Variants in EXT2 observed in about 807,000 individuals in gnomAD.
EXT2 encodes the protein exostosin-2.
In EXT2, 53 loss-of-function variants were observed where a neutral mutation model predicts 81.6. That is an observed-to-expected ratio of 0.65 (90% CI 0.52 to 0.82). EXT2 has a LOEUF of 0.82. Among genes scored for constraint, EXT2 ranks in the 40% least tolerant of loss-of-function variants. The pLI, the probability that EXT2 is intolerant of heterozygous loss-of-function variation, is 0.00. For missense variants in EXT2, 774 were observed against 910.2 expected (o/e 0.85, Z 1.93); for synonymous variants, 320 against 340.0 (o/e 0.94, Z 0.65).
chr11:44,171,918 TA>T (rs1004506417), intron 8 of EXT2, 176 bp downstream of exon 8: 2 of 881,160 alleles, frequency 2.3e-6, no homozygotes, highest in Non-Finnish European at 3.6e-6. Flanking sequence ...CTGACAAAAG[TA>T]AAAAATACGG....
rs1300192407 is a variant in EXT2, at chr11:44,250,938, T to C, written c.*6651T>C. Among the ~76,000 whole-genome samples, 2 of 152,246 alleles carry C rather than the reference T, an allele frequency of 1.3e-5. No homozygotes were observed. Among genetic ancestry groups the C allele is most frequent in the African/African-American group, 4.8e-5 (2 of 41,466 alleles). On this transcript the variant is annotated 3_prime_UTR_variant, in exon 14 of 14. Transcript: ENST00000533608. ...CAATTGAGGTAATTAACGAAAATTG[T>C]ACATTGGTGGCAGCACCTCCTATAG...
At chr11:44,146,008 A>G (rs1230305674) in intron 7 of EXT2, among the ~76,000 whole-genome samples, 1 of 152,162 alleles carries the variant, frequency 6.6e-6, no homozygotes, top group Non-Finnish European at 1.5e-5. Context: ...ACAGAAATCT[A>G]TTTCTCACAG....
Position 44,108,120 on chromosome 11 carries a change from C to T in EXT2, c.408C>T (p.Ala136=), listed in dbSNP as rs777178095. Residue 136 remains alanine (A), a synonymous_variant, in exon 2 of 14, where the codon GCC becomes GCT. Coordinates refer to ENST00000533608, the MANE Select transcript of EXT2 (RefSeq NM_207122.2). ...ISREYNELLM[A]ISDSDYYTDD... is the part of the protein sequence containing the mutation. ...GGGAGTATAATGAACTGCTCATGGC[C>T]ATCTCAGACAGTGACTACTACACTG... The T allele has an allele frequency of 1.2e-5, 19 of 1,614,074 alleles. No individual in the cohort carries two copies. In the Admixed American group the frequency reaches 3.2e-4, roughly 27 times the overall value.
chr11:44,129,058 T>C (rs1419888788), intron 6 of EXT2, among the ~76,000 whole-genome samples: 2 of 152,236 alleles, frequency 1.3e-5, no homozygotes, highest in Admixed American at 6.5e-5. Context: ...TTGAGTCCTC[T>C]CTTTCTCTTA....
intron 1 of EXT2, among the ~76,000 whole-genome samples, chr11:44,103,282 T>C (rs1954011617): frequency 1.3e-5 from 2 of 152,088 alleles, no homozygotes; most frequent in Admixed American, 1.3e-4. Context: ...GAGTTGAGCA[T>C]CTTGAGTCTG....
rs556125344 is a variant in EXT2, at chr11:44,225,370, T to C, written c.1663-6983T>C. Among the ~76,000 whole-genome samples the C allele has an allele frequency of 1.2e-4, 18 of 152,336 alleles. No homozygotes were observed. In the East Asian group the frequency reaches 3.5e-3, roughly 29 times the overall value. ...TTTGCTGCACAGCTGACTGGAGTTC[T>C]TTCTTTTAATGGTGTGAGCATATGG... On this transcript the variant is annotated intron_variant, in intron 10 of 13. Coordinates refer to ENST00000533608, the MANE Select transcript of EXT2 (RefSeq NM_207122.2).
chr11:44,168,413 C>G (rs905634466), intron 7 of EXT2, among the ~76,000 whole-genome samples: 2 of 152,102 alleles, frequency 1.3e-5, no homozygotes, highest in African/African-American at 4.8e-5. Context: ...GAGGAGAGTG[C>G]AACAGAAATA....
intron 8 of EXT2, among the ~76,000 whole-genome samples, chr11:44,184,815 A>G (rs1239011255): frequency 6.6e-6 from 1 of 152,174 alleles, no homozygotes. Flanking sequence ...TTAGACAGCA[A>G]TGTCACTGAT....
chr11:44,251,319 G>A lies in EXT2; in HGVS notation c.*7032G>A, dbSNP rs1010111676. On this transcript the variant is annotated 3_prime_UTR_variant, in exon 14 of 14. Coordinates refer to ENST00000533608, the MANE Select transcript of EXT2 (RefSeq NM_207122.2). Reference sequence around the variant, plus strand: ...CTCTCATGTCATCTATACCATCTCAGTGGAGAGGATGACTTTGGATGAGGT... The same window carrying A: ...CTCTCATGTCATCTATACCATCTCAATGGAGAGGATGACTTTGGATGAGGT... 6.6e-6 allele frequency among the ~76,000 whole-genome samples: 1 copy of A among 152,154 alleles called. No homozygotes were observed. The highest frequency in any genetic ancestry group is 2.4e-5 in the African/African-American group (1 of 41,430).
chr11:44,181,550 CT>C (rs1299479023), intron 8 of EXT2, among the ~76,000 whole-genome samples: 1 of 152,048 alleles, frequency 6.6e-6, no homozygotes, highest in Non-Finnish European at 1.5e-5. Flanking sequence ...ATCTTTCGGT[CT>C]TCTTCTAATT....
Position 44,220,614 on chromosome 11 carries a change from A to T in EXT2, c.1663-11739A>T, listed in dbSNP as rs1017586901. Among the ~76,000 whole-genome samples, 5 of 152,222 alleles carry T rather than the reference A, an allele frequency of 3.3e-5. No individual in the cohort carries two copies. Among genetic ancestry groups the T allele is most frequent in the Non-Finnish European group, 7.3e-5 (5 of 68,038 alleles). On this transcript the variant is annotated intron_variant, in intron 10 of 13. Coordinates refer to ENST00000533608, the MANE Select transcript of EXT2 (RefSeq NM_207122.2). This position sits in a 1 kb window ranked among gnomAD's most constrained non-coding sequence, Gnocchi z 4.4. ...GTGAGTCATTCTTTCTTAGAGGATCATCTCCCTGGAGTATTTTTCACATTG... is the reference window on the plus strand; with the variant it reads ...GTGAGTCATTCTTTCTTAGAGGATCTTCTCCCTGGAGTATTTTTCACATTG...
intron 7 of EXT2, among the ~76,000 whole-genome samples, chr11:44,159,391 A>G (rs1357021075): frequency 6.6e-6 from 1 of 151,986 alleles, no homozygotes; most frequent in Non-Finnish European, 1.5e-5. Context: ...CTGTTAAAAT[A>G]TCCTCAAGTT....
At chr11:44,125,432 GT>G (rs1261681191) in intron 5 of EXT2, among the ~76,000 whole-genome samples, 1 of 152,132 alleles carries the variant, frequency 6.6e-6, no homozygotes, top group African/African-American at 2.4e-5. Flanking sequence ...TGTTTTGATT[GT>G]TTTGCTATTT....
At chr11:44,211,731 C>T (rs1437087601) in intron 10 of EXT2, among the ~76,000 whole-genome samples, 2 of 152,240 alleles carry the variant, frequency 1.3e-5, no homozygotes, top group African/African-American at 4.8e-5. Context: ...TTAATAATAA[C>T]ATATGTTATA....
At chr11:44,142,631 A>AT (rs1420273282) in intron 7 of EXT2, among the ~76,000 whole-genome samples, 1 of 152,208 alleles carries the variant, frequency 6.6e-6, no homozygotes, top group Non-Finnish European at 1.5e-5. Context: ...TAATGATCTT[A>AT]TACATGTATT....
chr11:44,235,225 C>T (rs913186183), intron 12 of EXT2, among the ~76,000 whole-genome samples: 62 of 50,748 alleles, frequency 1.2e-3, no homozygotes, highest in South Asian at 2.3e-3. Context: ...CCCAAATTTG[C>T]TTTTTTTTTT....
rs567385571 is a variant in EXT2 at position 44,198,140 on chromosome 11, C to T, written c.1495+122C>T. 96 of 1,009,166 alleles carry T rather than the reference C, an allele frequency of 9.5e-5. No individual in the cohort carries two copies. The African/African-American group carries it at 1.3e-3, about 14-fold the overall frequency. 62.5% of individuals were successfully genotyped at this position (1,009,166 alleles called of 1,614,324 possible). ...GCAATACCATTTCTGAGACAGCATGCCTCCATTTTTCTCAGTCATCTCATT... is the reference window on the plus strand; with the variant it reads ...GCAATACCATTTCTGAGACAGCATGTCTCCATTTTTCTCAGTCATCTCATT... On this transcript the variant is annotated intron_variant, in intron 9 of 13. Transcript: ENST00000533608.
chr11:44,234,724 C>T (rs1319623117), intron 12 of EXT2, among the ~76,000 whole-genome samples: 1 of 151,962 alleles, frequency 6.6e-6, no homozygotes, highest in Non-Finnish European at 1.5e-5. Flanking sequence ...AGTACCTTTC[C>T]CATAACATAT....
intron 8 of EXT2, among the ~76,000 whole-genome samples, chr11:44,181,947 G>A (rs1263846229): frequency 1.3e-5 from 2 of 152,170 alleles, no homozygotes; most frequent in Non-Finnish European, 1.5e-5. Context: ...TAGGTTAAGA[G>A]GATGGGGACC....
Sources: gnomAD v4.1 joint callset for allele counts (sites outside exome capture counted in the v4.1 genomes callset) on GRCh38, gnomAD v4.1.1 for gene constraint, Gnocchi (gnomAD v3.1) non-coding constraint, MANE v1.5 for transcripts, NCBI Gene and HGNC (gene_info 2026-07-23, HGNC 2026-07-21) for gene names.